TIA1: variants seen among roughly 807,000 people sequenced by gnomAD.
TIA1 encodes TIA1 cytotoxic granule associated RNA binding protein.
Under a neutral mutation model 65.9 loss-of-function variants are expected in TIA1, and 23 were observed. That is an observed-to-expected ratio of 0.35 (90% CI 0.25 to 0.49). TIA1 has a LOEUF of 0.49. Ranked by LOEUF, TIA1 falls within the 20% of genes least tolerant of loss-of-function variation. TIA1 has a pLI of 0.98. For missense variants in TIA1, 371 were observed against 477.9 expected, an observed-to-expected ratio of 0.78 and a Z score of 2.09; for synonymous variants, 147 against 149.4, an observed-to-expected ratio of 0.98 and a Z score of 0.12.
At chr2:70,232,467 G>C (rs1454863400) in intron 2 of TIA1, among the ~76,000 whole-genome samples, 1 of 136,302 alleles carries the variant, frequency 7.3e-6, no homozygotes, top group African/African-American at 2.8e-5. Flanking sequence ...TTGAACCCTG[G>C]AGGCGAAGGT....
At chr2:70,239,842 GAA>G (rs1558940867) in intron 1 of TIA1, among the ~76,000 whole-genome samples, 1 of 152,124 alleles carries the variant, frequency 6.6e-6, no homozygotes, top group African/African-American at 2.4e-5. Context: ...TCTTTATTCT[GAA>G]AAAGAGACAG....
chr2:70,229,313 G>A lies in TIA1; in HGVS notation c.228C>T (p.Val76=), dbSNP rs1350429063. 8.1e-6 allele frequency: 13 copies of A among 1,603,220 alleles called. No homozygotes were observed. The highest frequency in any genetic ancestry group is 1.1e-5 in the South Asian group (1 of 89,018). Residue 76 remains valine (V), a synonymous_variant, in exon 4 of 13, where the codon GTC becomes GTT. Transcript: ENST00000433529. ...MNGRKIMGKE[V]KVNWATTPSS... The stretch of plus-strand genomic sequence containing the variant: ...TAGGGGTTGTTGCCCAATTCACTTT[G>A]ACTTCCTAAAAAAAAAAAATTTCTA...
rs1683105097 is a variant in TIA1, at chr2:70,224,825, T to G, written c.399-196A>C. The G allele has an allele frequency of 8.0e-6, 11 of 1,372,224 alleles. No homozygotes were observed. In the South Asian group the frequency reaches 1.7e-4, roughly 22 times the overall value. 85.0% of individuals were successfully genotyped at this position (1,372,224 alleles called of 1,614,324 possible). ...TTTTATAGACATGCAAATCAATAAC[T>G]TAAGTATATATGTATATTTATATTG... On this transcript the variant is annotated intron_variant, in intron 6 of 12. Coordinates refer to ENST00000433529, the MANE Select transcript of TIA1 (RefSeq NM_022173.4).
At chr2:70,237,895 C>G (rs1368877931) in intron 1 of TIA1, among the ~76,000 whole-genome samples, 2 of 151,962 alleles carry the variant, frequency 1.3e-5, no homozygotes, top group Non-Finnish European at 2.9e-5. Context: ...GGTGCGGTGG[C>G]TCATGCCTGT....
chr2:70,245,914 ATTTTTTTTTTTTT>A (rs199977940), intron 1 of TIA1, among the ~76,000 whole-genome samples: 38 of 124,756 alleles, frequency 3.0e-4, no homozygotes, highest in Middle Eastern at 4.6e-3. Flanking sequence ...ATTCTACCAG[ATTTTTTTTTTTTT>A]TTTTTTTTTT....
chr2:70,244,610 C>T (rs748342185), intron 1 of TIA1, among the ~76,000 whole-genome samples: 1 of 151,792 alleles, frequency 6.6e-6, no homozygotes, highest in African/African-American at 2.4e-5. Flanking sequence ...CTGAGGCAGG[C>T]GGATCGCGAG....
At position 70,210,496 on chromosome 2, in the gene TIA1, T is replaced by C. The variant is rs189085698; in HGVS notation, c.*2223A>G. 1 of 152,250 alleles carries C rather than the reference T, an allele frequency of 6.6e-6. No individual in the cohort carries two copies. Among genetic ancestry groups the C allele is most frequent in the Non-Finnish European group, 1.5e-5 (1 of 68,040 alleles). The allele number at this position is 152,250 out of a possible 1,614,324, so 9.4% of individuals were successfully genotyped here. ...GTAACCTTTTCATCATGAGTACTGA[T>C]ACCACTTTCTTCTCAGAAAGTAGTC... On this transcript the variant is annotated 3_prime_UTR_variant, in exon 13 of 13. Coordinates refer to ENST00000433529, the MANE Select transcript of TIA1 (RefSeq NM_022173.4).
At chr2:70,227,039 G>T (rs529575132) in intron 6 of TIA1, among the ~76,000 whole-genome samples, 21 of 152,142 alleles carry the variant, frequency 1.4e-4, no homozygotes, top group African/African-American at 4.3e-4. Context: ...AGAGCAAGCA[G>T]AAACCCTGAA....
At chr2:70,222,684 G>A (rs1393188528) in intron 7 of TIA1, among the ~76,000 whole-genome samples, 1 of 152,244 alleles carries the variant, frequency 6.6e-6, no homozygotes, top group African/African-American at 2.4e-5. Context: ...GGGAGGCCGA[G>A]GCAGGTGGAT....
At chr2:70,230,266 AT>A (rs1480518771) in intron 3 of TIA1, among the ~76,000 whole-genome samples, 1 of 151,766 alleles carries the variant, frequency 6.6e-6, no homozygotes, top group Non-Finnish European at 1.5e-5. Flanking sequence ...AGAAAAGAAA[AT>A]ACTAACATAA....
At chr2:70,222,119 TAAAACAAAAAC>T (rs1410458704) in intron 7 of TIA1, among the ~76,000 whole-genome samples, 1 of 149,216 alleles carries the variant, frequency 6.7e-6, no homozygotes, top group East Asian at 2.0e-4. Context: ...AAGCTGCTGT[TAAAACAAAAAC>T]AAAACAAAAC....
At chr2:70,235,979 A>G (rs1296593812) in intron 2 of TIA1, 100 bp downstream of exon 2, 7 of 649,102 alleles carry the variant, frequency 1.1e-5, no homozygotes, top group East Asian at 2.9e-5. Flanking sequence ...AATTTATACT[A>G]TATTTAGACC....
At chr2:70,235,362 C>G (rs750420231) in intron 2 of TIA1, among the ~76,000 whole-genome samples, 8 of 152,080 alleles carry the variant, frequency 5.3e-5, no homozygotes, top group African/African-American at 1.2e-4. Flanking sequence ...TTGCAGCGAG[C>G]CGAGATCGCA....
chr2:70,234,892 A>G (rs1247103287), intron 2 of TIA1, among the ~76,000 whole-genome samples: 1 of 152,154 alleles, frequency 6.6e-6, no homozygotes, highest in African/African-American at 2.4e-5. Flanking sequence ...TAAGTAAAAA[A>G]AAGTTGAACT....
At chr2:70,241,849 T>G (rs868613556) in intron 1 of TIA1, among the ~76,000 whole-genome samples, 1 of 150,510 alleles carries the variant, frequency 6.6e-6, no homozygotes, top group East Asian at 2.0e-4. Flanking sequence ...GAAGCTGAAG[T>G]GAACAATGAT....
At chr2:70,227,519 A>C (rs1684332838) in intron 6 of TIA1, among the ~76,000 whole-genome samples, 1 of 152,158 alleles carries the variant, frequency 6.6e-6, no homozygotes, top group South Asian at 2.1e-4. Context: ...ATGCTAATTG[A>C]AAAAGGATTT....
intron 2 of TIA1, among the ~76,000 whole-genome samples, chr2:70,235,333 T>C (rs147960632): frequency 0.027 from 4,182 of 152,208 alleles, 375 homozygotes; most frequent in Admixed American, 0.17. Flanking sequence ...AAGAATTGCT[T>C]GAACCCGGGA....
chr2:70,214,631 C>T, intron 11 of TIA1, 137 bp from the exon 12 acceptor site: 1 of 363,416 alleles, frequency 2.8e-6, no homozygotes. Flanking sequence ...GAGTTGACTG[C>T]TAAAAAAAAA....
chr2:70,233,478 G>A (rs1226983332), intron 2 of TIA1, among the ~76,000 whole-genome samples: 1 of 152,182 alleles, frequency 6.6e-6, no homozygotes, highest in East Asian at 1.9e-4. Flanking sequence ...GTTAGAAAAA[G>A]TCACTTGCGG....
Sources: gnomAD v4.1 joint callset for allele counts (sites outside exome capture counted in the v4.1 genomes callset) on GRCh38, gnomAD v4.1.1 for gene constraint, MANE v1.5 for transcripts, NCBI Gene and HGNC (gene_info 2026-07-23, HGNC 2026-07-21) for gene names.